Variants in LAMA2 observed in about 807,000 individuals in gnomAD.
LAMA2 encodes the protein laminin subunit alpha 2.
In LAMA2, 269 loss-of-function variants were observed where a neutral mutation model predicts 364.8. That is an observed-to-expected ratio of 0.74 (90% CI 0.67 to 0.82). LAMA2 has a LOEUF of 0.82. Among genes scored for constraint, LAMA2 ranks in the 40% least tolerant of loss-of-function variants. The pLI, the probability that LAMA2 is intolerant of heterozygous loss-of-function variation, is 0.00. For synonymous variants in LAMA2, 1,379 were observed against 1,370.6 expected (o/e 1.01, Z -0.14); for missense variants, 3,807 against 3,873.2 (o/e 0.98, Z 0.45).
At chr6:129,238,686 A>G (rs926058358) in intron 12 of LAMA2, among the ~76,000 whole-genome samples, 1 of 152,162 alleles carries the variant, frequency 6.6e-6, no homozygotes, top group Non-Finnish European at 1.5e-5. Flanking sequence ...GTATCACCAA[A>G]GTAACAGTGT....
intron 34 of LAMA2, among the ~76,000 whole-genome samples, chr6:129,382,538 A>G (rs934715161): frequency 1.3e-5 from 2 of 152,200 alleles, no homozygotes; most frequent in Admixed American, 6.5e-5. Context: ...TGGTGCTATC[A>G]TATGGAAAAG....
intron 1 of LAMA2, among the ~76,000 whole-genome samples, chr6:128,979,354 C>T (rs1459192063): frequency 6.6e-6 from 1 of 152,018 alleles, no homozygotes; most frequent in Non-Finnish European, 1.5e-5. Context: ...TTTAGCAATG[C>T]CTAGTCAGCA....
intron 10 of LAMA2, among the ~76,000 whole-genome samples, chr6:129,188,623 G>C (rs1375284671): frequency 6.6e-6 from 1 of 151,896 alleles, no homozygotes; most frequent in African/African-American, 2.4e-5. Context: ...AAATTAGTTT[G>C]ATTAGTTTTG....
chr6:128,987,140 G>GTTTTTTTTTTTTTTTTTTTTTTT (rs764115716), intron 1 of LAMA2, among the ~76,000 whole-genome samples: 3 of 121,358 alleles, frequency 2.5e-5, no homozygotes, highest in Admixed American at 1.0e-4. Context: ...TTTTTTTTTT[G>GTTTTTTTTTTTTTTTTTTTTTTT]TTTTTTTTTT....
At chr6:129,264,855 G>A (rs1331246754) in intron 15 of LAMA2, among the ~76,000 whole-genome samples, 4 of 152,014 alleles carry the variant, frequency 2.6e-5, no homozygotes, top group Admixed American at 2.6e-4. Context: ...ATTGAGAGGT[G>A]GTGACACAAA....
chr6:129,298,198 A>G (rs1562431064), intron 21 of LAMA2, among the ~76,000 whole-genome samples: 3 of 38,402 alleles, frequency 7.8e-5, no homozygotes, highest in African/African-American at 5.4e-4. Flanking sequence ...GTCTTATCTT[A>G]GTTTAAGCTC....
At chr6:129,245,276 G>A (rs896921679) in intron 12 of LAMA2, among the ~76,000 whole-genome samples, 9 of 152,066 alleles carry the variant, frequency 5.9e-5, no homozygotes, top group South Asian at 2.1e-4. Flanking sequence ...AAATATAGTC[G>A]AATCCATCCA....
intron 29 of LAMA2, among the ~76,000 whole-genome samples, chr6:129,331,698 A>T (rs900970289): frequency 4.5e-4 from 69 of 151,672 alleles, no homozygotes; most frequent in African/African-American, 1.7e-3. Context: ...CTCCTGACTC[A>T]TTTCCTTTCT....
intron 17 of LAMA2, among the ~76,000 whole-genome samples, chr6:129,272,191 T>C (rs1787986875): frequency 6.6e-6 from 1 of 152,152 alleles, no homozygotes; most frequent in Non-Finnish European, 1.5e-5. Context: ...CCTCATTGTA[T>C]AGATTAAGAA....
chr6:128,916,649 A>G (rs1030251396), intron 1 of LAMA2, among the ~76,000 whole-genome samples: 2 of 152,142 alleles, frequency 1.3e-5, no homozygotes, highest in Non-Finnish European at 2.9e-5. Context: ...GTTCTTTCCT[A>G]TGCAGTGGTG....
At chr6:128,936,409 C>G (rs931417115) in intron 1 of LAMA2, among the ~76,000 whole-genome samples, 21 of 152,004 alleles carry the variant, frequency 1.4e-4, no homozygotes, top group African/African-American at 4.6e-4. Flanking sequence ...TTTTCAAATG[C>G]TTTTTCTACA....
At chr6:128,897,054 CTT>C (rs1776817542) in intron 1 of LAMA2, among the ~76,000 whole-genome samples, 1 of 152,204 alleles carries the variant, frequency 6.6e-6, no homozygotes, top group East Asian at 1.9e-4. Context: ...TGTTAAGTAA[CTT>C]TCCAAAAGTA....
chr6:129,143,843 AAATC>A, intron 4 of LAMA2, 54 bp from the exon 5 acceptor site: 1 of 1,278,964 alleles, frequency 7.8e-7, no homozygotes, highest in Non-Finnish European at 1.1e-6. Flanking sequence ...AAAAGAAACA[AAATC>A]AATATTTAAA....
intron 12 of LAMA2, among the ~76,000 whole-genome samples, chr6:129,239,983 T>G (rs1269003342): frequency 6.6e-6 from 1 of 152,218 alleles, no homozygotes; most frequent in Non-Finnish European, 1.5e-5. Context: ...GCCAGTTCGA[T>G]TCCCAGAACC....
intron 1 of LAMA2, among the ~76,000 whole-genome samples, chr6:128,944,564 G>T (rs1364886555): frequency 6.6e-6 from 1 of 151,966 alleles, no homozygotes; most frequent in Non-Finnish European, 1.5e-5. Context: ...GGAGGCCGAG[G>T]TGAGCAGACC....
At chr6:129,176,595 G>A (rs1307420495) in intron 9 of LAMA2, among the ~76,000 whole-genome samples, 1 of 151,872 alleles carries the variant, frequency 6.6e-6, no homozygotes, top group Non-Finnish European at 1.5e-5. Flanking sequence ...GATAATTAGT[G>A]CTTATTTGAA....
chr6:129,480,090 C>T (rs1334784859), intron 54 of LAMA2, among the ~76,000 whole-genome samples: 1 of 152,112 alleles, frequency 6.6e-6, no homozygotes, highest in African/African-American at 2.4e-5. Context: ...AATTATTTTG[C>T]AACTAAAATA....
intron 1 of LAMA2, among the ~76,000 whole-genome samples, chr6:129,039,580 A>G (rs1039841964): frequency 2.0e-5 from 3 of 152,226 alleles, no homozygotes; most frequent in African/African-American, 7.2e-5. Flanking sequence ...TAATGGGAGT[A>G]GAGTCACGCA....
intron 4 of LAMA2, among the ~76,000 whole-genome samples, chr6:129,123,127 A>C (rs561414616): frequency 1.3e-4 from 20 of 151,936 alleles, no homozygotes; most frequent in African/African-American, 4.8e-4. Context: ...ACATGGTGAA[A>C]CCCTGTCTCT....
Sources: allele counts gnomAD v4.1 joint callset (sites outside exome capture counted in the v4.1 genomes callset), GRCh38; gene constraint gnomAD v4.1.1; transcripts MANE v1.5; gene names NCBI Gene and HGNC (gene_info 2026-07-23, HGNC 2026-07-21).